The following CPA6 variants were observed in gnomAD, a reference collection of about 807,000 sequenced individuals.
The protein encoded by CPA6 is carboxypeptidase A6, also known as carboxypeptidase B.
In CPA6, 58 loss-of-function variants were observed where a neutral mutation model predicts 63.3. That is an observed-to-expected ratio of 0.92 (90% CI 0.74 to 1.14). The LOEUF (loss-of-function observed/expected upper bound fraction) is 1.14, where lower values mean the gene tolerates loss of function less well. Ranked by LOEUF, CPA6 falls within the 50% of genes most tolerant of loss-of-function variation. The probability of loss-of-function intolerance (pLI) is 0.00; values close to 1 mark genes in which losing one functional copy is unlikely to be tolerated. For missense variants in CPA6, 565 were observed against 526.6 expected, an observed-to-expected ratio of 1.07 and a Z score of -0.71; for synonymous variants, 185 against 179.0, an observed-to-expected ratio of 1.03 and a Z score of -0.27.
chr8:67,675,912 T>G (rs927774661), intron 1 of CPA6, among the ~76,000 whole-genome samples: 13 of 152,196 alleles, frequency 8.5e-5, no homozygotes, highest in African/African-American at 2.9e-4. Flanking sequence ...TATTCACAGG[T>G]GTGATCATAG....
At chr8:67,716,147 G>T (rs1817373755) in intron 1 of CPA6, among the ~76,000 whole-genome samples, 2 of 89,058 alleles carry the variant, frequency 2.2e-5, no homozygotes, top group South Asian at 4.8e-4. Context: ...GAGTGAGCTT[G>T]TCTCAAAAAA....
chr8:67,621,765 C>T (rs1257444245), intron 2 of CPA6, among the ~76,000 whole-genome samples: 2 of 152,174 alleles, frequency 1.3e-5, no homozygotes, highest in Non-Finnish European at 2.9e-5. Context: ...CCTTCTTTCT[C>T]ACCAGATCCC....
chr8:67,503,443 T>C (rs896390614), intron 6 of CPA6, among the ~76,000 whole-genome samples: 9 of 151,406 alleles, frequency 5.9e-5, no homozygotes, highest in African/African-American at 2.2e-4. Context: ...ACTACAGGCA[T>C]GCACCACTAT....
chr8:67,485,938 A>G (rs1811467610), intron 6 of CPA6, among the ~76,000 whole-genome samples: 1 of 152,222 alleles, frequency 6.6e-6, no homozygotes, highest in Non-Finnish European at 1.5e-5. Context: ...TGAGTCTGGT[A>G]GGATGTGTCT....
At chr8:67,436,458 G>A (rs1810158698) in intron 8 of CPA6, among the ~76,000 whole-genome samples, 1 of 150,894 alleles carries the variant, frequency 6.6e-6, no homozygotes, top group Admixed American at 6.6e-5. Context: ...AGAAAGAAAA[G>A]GCTAGACATA....
intron 1 of CPA6, among the ~76,000 whole-genome samples, chr8:67,646,398 A>G (rs1024974982): frequency 6.6e-6 from 1 of 152,206 alleles, no homozygotes; most frequent in Non-Finnish European, 1.5e-5. Context: ...GCACTGCTAG[A>G]CATTCACTTT....
chr8:67,439,173 G>A (rs1038654706), intron 8 of CPA6, among the ~76,000 whole-genome samples: 1 of 151,518 alleles, frequency 6.6e-6, no homozygotes, highest in Non-Finnish European at 1.5e-5. Flanking sequence ...GCACACACCT[G>A]TAGTCCTAGC....
At chr8:67,518,096 A>T (rs781688840) in intron 2 of CPA6, 49 bp from the exon 3 acceptor site, 36 of 1,485,316 alleles carry the variant, frequency 2.4e-5, no homozygotes, top group Admixed American at 1.9e-4. Flanking sequence ...TAGGGGGGGA[A>T]AATCTGTGTC....
At chr8:67,447,084 A>G (rs1587435037) in intron 8 of CPA6, among the ~76,000 whole-genome samples, 1 of 151,612 alleles carries the variant, frequency 6.6e-6, no homozygotes, top group Non-Finnish European at 1.5e-5. Context: ...ATACACATAT[A>G]TATACACACA....
At chr8:67,675,102 T>C (rs1816440459) in intron 1 of CPA6, among the ~76,000 whole-genome samples, 1 of 152,178 alleles carries the variant, frequency 6.6e-6, no homozygotes, top group South Asian at 2.1e-4. Context: ...ATAGGATCCA[T>C]ACCCCAAACT....
chr8:67,528,782 C>A (rs1331793459), intron 2 of CPA6, among the ~76,000 whole-genome samples: 3 of 151,952 alleles, frequency 2.0e-5, no homozygotes, highest in African/African-American at 7.2e-5. Flanking sequence ...AAACCACCGC[C>A]ACTTGTTCAT....
At chr8:67,495,570 A>G (rs954595154) in intron 6 of CPA6, among the ~76,000 whole-genome samples, 1 of 149,880 alleles carries the variant, frequency 6.7e-6, no homozygotes, top group African/African-American at 2.5e-5. Context: ...ATAAATTTCT[A>G]GTTAGTAGCC....
chr8:67,728,414 T>G (rs1587733366), intron 1 of CPA6, among the ~76,000 whole-genome samples: 1 of 152,180 alleles, frequency 6.6e-6, no homozygotes, highest in Non-Finnish European at 1.5e-5. Context: ...TTTACCTCTA[T>G]AGAATCTTGA....
intron 2 of CPA6, among the ~76,000 whole-genome samples, chr8:67,623,675 C>T (rs769106504): frequency 1.2e-4 from 19 of 152,118 alleles, no homozygotes; most frequent in African/African-American, 2.2e-4. Flanking sequence ...CTCAAGTGAT[C>T]TGCCTGCCTC....
Position 67,630,875 on chromosome 8 carries a change from G to C in CPA6, c.117-6624C>G, listed in dbSNP as rs187747219. 4.7e-3 allele frequency among the ~76,000 whole-genome samples: 722 copies of C among 152,380 alleles called. 2 individuals carry two copies. The highest frequency in any genetic ancestry group is 6.4e-3 in the Non-Finnish European group (434 of 68,032). On this transcript the variant is annotated intron_variant, in intron 1 of 10. Transcript: ENST00000297770. ...GAGAGGCTTACCACCTGGGCCAGCA[G>C]CTGCGGAGGCTGCACTGGGTCCTCC...
chr8:67,463,996 T>C (rs1198711747), intron 8 of CPA6, among the ~76,000 whole-genome samples: 2 of 152,236 alleles, frequency 1.3e-5, no homozygotes, highest in Non-Finnish European at 2.9e-5. Context: ...CATGTGTCTT[T>C]TGGGTAAAAC....
chr8:67,502,150 T>C (rs1811841522), intron 6 of CPA6, among the ~76,000 whole-genome samples: 1 of 152,170 alleles, frequency 6.6e-6, no homozygotes, highest in South Asian at 2.1e-4. Flanking sequence ...ATGCTAGAGC[T>C]TTGTCAATTT....
At chr8:67,556,900 G>A (rs1813075421) in intron 2 of CPA6, among the ~76,000 whole-genome samples, 1 of 152,204 alleles carries the variant, frequency 6.6e-6, no homozygotes, top group African/African-American at 2.4e-5. Context: ...GAGGAGAATA[G>A]GACTCTTTCC....
chr8:67,653,600 G>T (rs1217306774), intron 1 of CPA6, among the ~76,000 whole-genome samples: 1 of 152,070 alleles, frequency 6.6e-6, no homozygotes, highest in Non-Finnish European at 1.5e-5. Flanking sequence ...TTTGTATCCT[G>T]AGACTTTGCT....
Sources: gnomAD v4.1 joint callset for allele counts (sites outside exome capture counted in the v4.1 genomes callset) on GRCh38, gnomAD v4.1.1 for gene constraint, MANE v1.5 for transcripts, NCBI Gene and HGNC (gene_info 2026-07-23, HGNC 2026-07-21) for gene names.